Variants in CYSLTR1 observed in about 807,000 individuals in gnomAD.
The protein encoded by CYSLTR1 is cysteinyl leukotriene receptor 1, also known as G-protein coupled receptor HG55.
A neutral mutation model predicts 2.1 loss-of-function variants in CYSLTR1; 1 was observed. That is an observed-to-expected ratio of 0.48 (90% confidence interval 0.17 to 2.28). CYSLTR1 has a LOEUF of 2.28. CYSLTR1 is among the 30% of genes most tolerant of loss of function. The pLI, the probability that CYSLTR1 is intolerant of heterozygous loss-of-function variation, is 0.26. For missense variants in CYSLTR1, 299 were observed against 250.1 expected (o/e 1.20, Z -1.32); for synonymous variants, 110 against 89.6 (o/e 1.23, Z -1.28).
At chrX:78,324,470 C>T (rs12556302) in intron 1 of CYSLTR1, among the ~76,000 whole-genome samples, 18 of 111,646 alleles carry the variant, frequency 1.6e-4, no homozygotes, top group African/African-American at 5.5e-4. Flanking sequence ...CGGGTTCAAG[C>T]GATTCTCCTG....
chrX:78,314,227 G>T (rs1923323142), intron 1 of CYSLTR1, among the ~76,000 whole-genome samples: 1 of 111,886 alleles, frequency 8.9e-6, no homozygotes, highest in Non-Finnish European at 1.9e-5. Flanking sequence ...GTATTCTCAG[G>T]ATGTTAGAAC....
chrX:78,306,643 T>A (rs1923043446), intron 1 of CYSLTR1, among the ~76,000 whole-genome samples: 1 of 112,116 alleles, frequency 8.9e-6, no homozygotes. Flanking sequence ...CACAATAGTC[T>A]TTGTCCAAGA....
chrX:78,318,381 A>G (rs1923506697), intron 1 of CYSLTR1, among the ~76,000 whole-genome samples: 1 of 111,694 alleles, frequency 9.0e-6, no homozygotes, highest in African/African-American at 3.3e-5. Flanking sequence ...ACTGGGGCCT[A>G]TTGGAGGGCG....
chrX:78,277,043 C>T (rs1921622178), intron 2 of CYSLTR1, among the ~76,000 whole-genome samples: 1 of 111,448 alleles, frequency 9.0e-6, no homozygotes, highest in Non-Finnish European at 1.9e-5. Context: ...GGGAGAACTT[C>T]TCAGAGAGTT....
intron 1 of CYSLTR1, among the ~76,000 whole-genome samples, chrX:78,311,282 A>G (rs1923210925): frequency 9.0e-6 from 1 of 111,420 alleles, no homozygotes; most frequent in Non-Finnish European, 1.9e-5. Context: ...TGATGGCCCA[A>G]TTGAGGTTTG....
chrX:78,314,285 A>G (rs1198340902), intron 1 of CYSLTR1, among the ~76,000 whole-genome samples: 2 of 111,811 alleles, frequency 1.8e-5, no homozygotes, highest in African/African-American at 6.5e-5. Flanking sequence ...CACAGAATTC[A>G]AATTTCTGTT....
intron 1 of CYSLTR1, among the ~76,000 whole-genome samples, chrX:78,301,880 A>G (rs1344118159): frequency 8.9e-6 from 1 of 112,209 alleles, no homozygotes; most frequent in Non-Finnish European, 1.9e-5. Flanking sequence ...CACAGTTCCA[A>G]GTGGTTGGGG....
At chrX:78,304,835 T>C (rs1055487315) in intron 1 of CYSLTR1, among the ~76,000 whole-genome samples, 1 of 112,045 alleles carries the variant, frequency 8.9e-6, no homozygotes, top group African/African-American at 3.2e-5. Context: ...TTTAGATGAA[T>C]GCACACTTAC....
intron 2 of CYSLTR1, among the ~76,000 whole-genome samples, chrX:78,280,140 T>C (rs1370800956): frequency 1.8e-5 from 2 of 110,939 alleles, no homozygotes; most frequent in Non-Finnish European, 3.8e-5. Flanking sequence ...TCTGAGGCCA[T>C]AGACAAAAAT....
chrX:78,293,384 G>C (rs1003189713), intron 1 of CYSLTR1, among the ~76,000 whole-genome samples: 1 of 111,608 alleles, frequency 9.0e-6, no homozygotes, highest in African/African-American at 3.3e-5. Context: ...TGGGTCACCC[G>C]ACCTTTCTCT....
chrX:78,286,950 A>T (rs1449181837), intron 1 of CYSLTR1, among the ~76,000 whole-genome samples: 2 of 111,496 alleles, frequency 1.8e-5, no homozygotes. Context: ...TATTTGCCAT[A>T]CATATATTTC....
Position 78,300,359 on chromosome X carries a change from T to C in CYSLTR1, c.-114-16819A>G, listed in dbSNP as rs760407885. On this transcript the variant is annotated intron_variant, in intron 1 of 2. Transcript: ENST00000373304. ...TGGATGGTCTTGATACCTGTAGATG[T>C]TCATCTGTGTCAGGGCATTGAAAAA... Among the ~76,000 whole-genome samples the C allele has an allele frequency of 1.7e-4, 19 of 112,863 alleles. No homozygotes were observed. The South Asian group carries it at 6.9e-3, about 41-fold the overall frequency.
At chrX:78,291,397 G>C (rs1334507449) in intron 1 of CYSLTR1, among the ~76,000 whole-genome samples, 1 of 111,636 alleles carries the variant, frequency 9.0e-6, no homozygotes, top group Admixed American at 9.5e-5. Context: ...ATGTTTATCA[G>C]GGATATTAGT....
intron 1 of CYSLTR1, among the ~76,000 whole-genome samples, chrX:78,313,401 A>C (rs1203612029): frequency 8.9e-6 from 1 of 111,798 alleles, no homozygotes; most frequent in Non-Finnish European, 1.9e-5. Flanking sequence ...TTTGTACCCC[A>C]AACCTCAGCA....
chrX:78,316,362 A>G (rs773090492), intron 1 of CYSLTR1, among the ~76,000 whole-genome samples: 4 of 112,472 alleles, frequency 3.6e-5, no homozygotes, highest in African/African-American at 1.3e-4. Context: ...GCCAGGGAGC[A>G]AATGGGAACT....
chrX:78,299,218 T>A, intron 1 of CYSLTR1, among the ~76,000 whole-genome samples: 1 of 112,211 alleles, frequency 8.9e-6, no homozygotes, highest in East Asian at 2.8e-4. Context: ...TTGTTGTTTG[T>A]ATTCATATCT....
At chrX:78,300,881 C>T (rs1234787266) in intron 1 of CYSLTR1, among the ~76,000 whole-genome samples, 1 of 112,875 alleles carries the variant, frequency 8.9e-6, no homozygotes, top group Non-Finnish European at 1.9e-5. Context: ...AAATTTCTGC[C>T]TGTACATCCA....
chrX:78,320,872 A>C (rs1247028949), intron 1 of CYSLTR1: 1 of 111,585 alleles, frequency 9.0e-6, no homozygotes, highest in East Asian at 2.8e-4. Context: ...TCTTTGAAGC[A>C]ATTGTGAATG....
intron 1 of CYSLTR1, chrX:78,320,124 T>C (rs1263974235): frequency 8.9e-6 from 1 of 112,302 alleles, no homozygotes; most frequent in Non-Finnish European, 1.9e-5. Context: ...TTAGATCCCA[T>C]TTGTCAATTT....
Sources: allele counts gnomAD v4.1 joint callset (sites outside exome capture counted in the v4.1 genomes callset), GRCh38; gene constraint gnomAD v4.1.1; transcripts MANE v1.5; gene names NCBI Gene and HGNC (gene_info 2026-07-23, HGNC 2026-07-21).